The following RXFP2 variants were observed in gnomAD, a reference collection of about 807,000 sequenced individuals.
RXFP2 encodes relaxin receptor 2.
RXFP2 carries 68 observed loss-of-function variants against 88.6 expected under a neutral mutation model. The observed-to-expected ratio is 0.77, with a 90% CI of 0.63 to 0.94. The LOEUF (loss-of-function observed/expected upper bound fraction) is 0.94. Among genes scored for constraint, RXFP2 ranks in the 40% least tolerant of loss-of-function variants. The pLI, the probability that RXFP2 is intolerant of heterozygous loss-of-function variation, is 0.00. For missense variants in RXFP2, 791 were observed against 893.9 expected, an observed-to-expected ratio of 0.88 and a Z score of 1.47; for synonymous variants, 329 against 306.8, an observed-to-expected ratio of 1.07 and a Z score of -0.76.
At chr13:31,775,253 C>A in intron 6 of RXFP2, 65 bp from the exon 7 acceptor site, 1 of 1,224,682 alleles carries the variant, frequency 8.2e-7, no homozygotes, top group Non-Finnish European at 1.2e-6. Flanking sequence ...GGCTCATATT[C>A]TAATTATATG....
At chr13:31,758,930 C>G (rs566517476) in intron 2 of RXFP2, among the ~76,000 whole-genome samples, 2 of 152,056 alleles carry the variant, frequency 1.3e-5, no homozygotes, top group Non-Finnish European at 2.9e-5. Flanking sequence ...TGCCTGTAAT[C>G]CCAGCTACTC....
chr13:31,794,909 C>T (rs1021961877), intron 16 of RXFP2, among the ~76,000 whole-genome samples: 2 of 152,168 alleles, frequency 1.3e-5, no homozygotes, highest in Admixed American at 1.3e-4. Flanking sequence ...CACAAACACA[C>T]ACTCACAAAA....
chr13:31,749,281 G>C (rs1736581932), intron 1 of RXFP2, among the ~76,000 whole-genome samples: 1 of 152,092 alleles, frequency 6.6e-6, no homozygotes, highest in South Asian at 2.1e-4. Flanking sequence ...TTTCTATTCT[G>C]TTCCATTGGT....
At chr13:31,755,846 TG>T (rs1871920571) in intron 1 of RXFP2, among the ~76,000 whole-genome samples, 1 of 152,192 alleles carries the variant, frequency 6.6e-6, no homozygotes, top group East Asian at 1.9e-4. Context: ...AAATGATTTT[TG>T]CTTTTGTAAG....
At chr13:31,758,803 C>A (rs532298549) in intron 2 of RXFP2, among the ~76,000 whole-genome samples, 54 of 152,078 alleles carry the variant, frequency 3.6e-4, no homozygotes, top group Middle Eastern at 3.4e-3. Flanking sequence ...TTTGGAAGGC[C>A]GAGGCAGGTG....
Position 31,782,697 on chromosome 13 carries a change from T to G in RXFP2, c.879T>G (p.Ile293Met), listed in dbSNP as rs1424131637. The change falls in exon 11 of 18, where the codon ATT becomes ATG. Residue 293 changes from isoleucine to methionine, a missense_variant. Physicochemically the swap from Ile to Met is conservative, Grantham distance 10 (BLOSUM62 1). Coordinates refer to ENST00000298386, the MANE Select transcript of RXFP2 (RefSeq NM_130806.5). ...LTVLFLPRNQ[I>M]GFVPEKTFSS... ...ACAGGTTTCTGCCTAGAAATCAAAT[T>G]GGTTTTGTTCCAGAGAAGACATTTT... 9.9e-6 allele frequency: 16 copies of G among 1,612,122 alleles called. No individual in the cohort carries two copies. Among genetic ancestry groups the G allele is most frequent in the Non-Finnish European group, 1.4e-5 (16 of 1,178,288 alleles).
In RXFP2 at chr13:31,791,823, G is replaced by A. The variant is rs778183013; in HGVS notation, c.1163G>A (p.Arg388Gln). Residue 388 changes from arginine to glutamine, a missense_variant, in exon 15 of 18, where the codon CGA (arginine) becomes CAA (glutamine). By Grantham distance (43) the Arg-to-Gln change is conservative. Coordinates refer to ENST00000298386, the MANE Select transcript of RXFP2 (RefSeq NM_130806.5). Reference sequence around the variant, plus strand: ...GACTTTAGTTATTTCAAAAACTTTCGATACTGCTCCTATGCTCCCCATGTC... The same window carrying A: ...GACTTTAGTTATTTCAAAAACTTTCAATACTGCTCCTATGCTCCCCATGTC... ...NLSHIYFKNF[R>Q]YCSYAPHVRI... 10 of 1,613,840 alleles carry A rather than the reference G, an allele frequency of 6.2e-6. No individual in the cohort carries two copies. Among genetic ancestry groups the A allele is most frequent in the East Asian group, 2.2e-5 (1 of 44,876 alleles).
chr13:31,744,820 A>G (rs1239997144), intron 1 of RXFP2, among the ~76,000 whole-genome samples: 2 of 151,902 alleles, frequency 1.3e-5, no homozygotes, highest in Non-Finnish European at 2.9e-5. Flanking sequence ...TTCATGATAT[A>G]TTCCTTCCAT....
At chr13:31,757,369 T>A (rs1232818926) in intron 1 of RXFP2, among the ~76,000 whole-genome samples, 1 of 152,162 alleles carries the variant, frequency 6.6e-6, no homozygotes, top group African/African-American at 2.4e-5. Flanking sequence ...ACATGAAGGA[T>A]AATATCGCCC....
intron 11 of RXFP2, among the ~76,000 whole-genome samples, chr13:31,785,267 C>T (rs6563806): frequency 0.6 from 91,413 of 151,722 alleles, 27,716 homozygotes; most frequent in East Asian, 0.77. Context: ...ATGGCTTTCC[C>T]ATTTTGTCTC....
chr13:31,775,328 C>T lies in RXFP2; in HGVS notation c.580C>T (p.His194Tyr), dbSNP rs572091387. 4 of 1,613,430 alleles carry T rather than the reference C, an allele frequency of 2.5e-6. No individual in the cohort carries two copies. In the South Asian group the frequency reaches 4.4e-5, roughly 18 times the overall value. Residue 194 changes from histidine to tyrosine, a missense_variant, in exon 7 of 18, where the codon CAC (histidine) becomes TAC (tyrosine). Physicochemically the swap from His to Tyr is moderately conservative, Grantham distance 83. Transcript: ENST00000298386. ...LCNLQILYLN[H>Y]NCITTLRPGI... ...CCATGCTATTTGTAGATATCTCAACCACAACTGCATCACAACCCTCAGACC... is the reference window on the plus strand; with the variant it reads ...CCATGCTATTTGTAGATATCTCAACTACAACTGCATCACAACCCTCAGACC...
intron 7 of RXFP2, 75 bp from the exon 8 acceptor site, chr13:31,777,301 A>G (rs111744696): frequency 2.2e-5 from 21 of 948,674 alleles, no homozygotes; most frequent in Middle Eastern, 2.1e-4. Flanking sequence ...GGAGTAGGCC[A>G]GGTGTTGAGG....
At chr13:31,757,773 A>T (rs973734462) in intron 1 of RXFP2, among the ~76,000 whole-genome samples, 52 of 151,982 alleles carry the variant, frequency 3.4e-4, no homozygotes, top group African/African-American at 1.3e-3. Context: ...GATATAGCTG[A>T]TGTTGGGTGT....
rs1566222450 is a variant in RXFP2 at position 31,766,022 on chromosome 13, A to C, written c.492A>C (p.Lys164Asn). The C allele has an allele frequency of 6.6e-7, 1 of 1,516,042 alleles. No homozygotes were observed. 93.9% of individuals were successfully genotyped at this position (1,516,042 alleles called of 1,614,324 possible). A position where few individuals can be genotyped will look rare whatever the true frequency, so the allele number is the denominator to read the frequency against. Residue 164 changes from lysine (K) to asparagine (N), a missense_variant, in exon 5 of 18, where the codon AAA becomes AAC. Physicochemically the swap from Lys to Asn is moderately conservative, Grantham distance 94. Coordinates refer to ENST00000298386, the MANE Select transcript of RXFP2 (RefSeq NM_130806.5). Reference sequence around the variant, plus strand: ...TTTTCATCAAATACACAAAACTTAAAAAGATGTAAGTAGCCGTTAATAGCA... The same window carrying C: ...TTTTCATCAAATACACAAAACTTAACAAGATGTAAGTAGCCGTTAATAGCA... ...DKVFIKYTKL[K>N]KIFLQHNCIR...
At chr13:31,740,180 G>A (rs1871175049) in intron 1 of RXFP2, among the ~76,000 whole-genome samples, 1 of 152,078 alleles carries the variant, frequency 6.6e-6, no homozygotes, top group Admixed American at 6.5e-5. Flanking sequence ...GTCTCTAAGA[G>A]TAAACCTCTC....
chr13:31,752,524 T>C (rs2138393603), intron 1 of RXFP2, among the ~76,000 whole-genome samples: 1 of 151,818 alleles, frequency 6.6e-6, no homozygotes, highest in Non-Finnish European at 1.5e-5. Context: ...AACAGTTGCC[T>C]GAAAGGGTAA....
At position 31,763,963 on chromosome 13, in the gene RXFP2, A is replaced by G. The variant is rs1221609531; in HGVS notation, c.320-1074A>G. ...ACTAAAAGCATCTTTTACATTAAGT[A>G]CTCAGTAGAAGTTTGTTGGCTTTAC... On this transcript the variant is annotated intron_variant, in intron 3 of 17. Coordinates refer to ENST00000298386, the MANE Select transcript of RXFP2 (RefSeq NM_130806.5). Among the ~76,000 whole-genome samples, 4 of 152,230 alleles carry G rather than the reference A, an allele frequency of 2.6e-5. No homozygotes were observed. In the East Asian group the frequency reaches 7.7e-4, roughly 29 times the overall value.
At chr13:31,785,949 TTGTCTTGGTTGGAA>T (rs1246416757) in intron 11 of RXFP2, among the ~76,000 whole-genome samples, 1 of 152,210 alleles carries the variant, frequency 6.6e-6, no homozygotes, top group Non-Finnish European at 1.5e-5. Flanking sequence ...GTGGACAATA[TTGTCTTGGTTGGAA>T]TGCAAAACAA....
intron 16 of RXFP2, among the ~76,000 whole-genome samples, chr13:31,793,370 A>G (rs1486260477): frequency 6.6e-6 from 1 of 151,992 alleles, no homozygotes; most frequent in Non-Finnish European, 1.5e-5. Context: ...TGAAATGACT[A>G]TGAGCTGAAG....
Sources: gnomAD v4.1 joint callset for allele counts (sites outside exome capture counted in the v4.1 genomes callset) on GRCh38, gnomAD v4.1.1 for gene constraint, MANE v1.5 for transcripts, NCBI Gene and HGNC (gene_info 2026-07-23, HGNC 2026-07-21) for gene names.